PLG: variants seen among roughly 807,000 people sequenced by gnomAD.
The protein encoded by PLG is plasmin.
A neutral mutation model predicts 104.4 loss-of-function variants in PLG; 41 were observed. That is an observed-to-expected ratio of 0.39 (90% confidence interval 0.31 to 0.51). The LOEUF (loss-of-function observed/expected upper bound fraction) is 0.51. Ranked by LOEUF, PLG falls within the 20% of genes least tolerant of loss-of-function variation. The probability of loss-of-function intolerance (pLI) is 0.76; values close to 1 mark genes in which losing one functional copy is unlikely to be tolerated. For synonymous variants in PLG, 337 were observed against 357.1 expected (o/e 0.94, Z 0.63); for missense variants, 891 against 1,003.6 (o/e 0.89, Z 1.52).
At chr6:160,747,219 G>A (rs1052536094) in intron 17 of PLG, among the ~76,000 whole-genome samples, 1 of 152,226 alleles carries the variant, frequency 6.6e-6, no homozygotes, top group Non-Finnish European at 1.5e-5. Context: ...CATGGCCCCA[G>A]GTCTAGGATG....
At position 160,740,834 on chromosome 6, in the gene PLG, G is replaced by A. The variant is rs572181122; in HGVS notation, c.2019-477G>A. Among the ~76,000 whole-genome samples, 29 of 152,200 alleles carry A rather than the reference G, an allele frequency of 1.9e-4. No individual in the cohort carries two copies. The highest frequency in any genetic ancestry group is 1.1e-3 in the Admixed American group (17 of 15,286). The stretch of plus-strand genomic sequence containing the variant: ...TTTACTGGATTCTTACAACTATGGC[G>A]TAGTAACATTCACTGAGGAGGAAAT... On this transcript the variant is annotated intron_variant, in intron 16 of 18. Coordinates refer to ENST00000308192, the MANE Select transcript of PLG (RefSeq NM_000301.5). The surrounding 1 kb of genome is among the most constrained non-coding windows in gnomAD (Gnocchi z 5.2).
intron 10 of PLG, 67 bp from the exon 11 acceptor site, chr6:160,730,984 A>T: frequency 6.8e-7 from 1 of 1,479,406 alleles, no homozygotes; most frequent in South Asian, 1.1e-5. Flanking sequence ...AACAAAATGT[A>T]GAGGGTGCTG....
Position 160,741,367 on chromosome 6 carries a change from T to G in PLG, c.2075T>G (p.Val692Gly). ...IPACLPSPNY[V>G]VADRTECFIT... ...GCTTGTCTGCCATCCCCAAATTATG[T>G]GGTCGCTGACCGGACCGAATGTTTC... Residue 692 changes from valine to glycine, a missense_variant, in exon 17 of 19, where the codon GTG becomes GGG. This residue lies in a region of PLG where 854 missense variants were observed against 932.1 expected (regional missense o/e 0.92). Coordinates refer to ENST00000308192, the MANE Select transcript of PLG (RefSeq NM_000301.5). The surrounding 1 kb of genome is among the most constrained non-coding windows in gnomAD (Gnocchi z 4.7). 1.2e-6 allele frequency: 2 copies of G among 1,613,750 alleles called. No homozygotes were observed.
At chr6:160,729,357 A>G (rs1216910835) in intron 10 of PLG, among the ~76,000 whole-genome samples, 2 of 152,210 alleles carry the variant, frequency 1.3e-5, no homozygotes, top group African/African-American at 2.4e-5. Context: ...GTCTACCCCA[A>G]AAAACTGCAA....
rs764121149 is a variant in PLG, at chr6:160,702,321, T to C, written c.17T>C (p.Val6Ala). 69 of 1,609,750 alleles carry C rather than the reference T, an allele frequency of 4.3e-5. No homozygotes were observed. Among genetic ancestry groups the C allele is most frequent in the Non-Finnish European group, 4.8e-5 (57 of 1,179,568 alleles). MEHKE[V>A]VLLLLLFLKS... is the part of the protein sequence containing the mutation. ...AGTCCCAAAATGGAACATAAGGAAGTGGTTCTTCTACTTCTTTTATTTCTG... is the reference window on the plus strand; with the variant it reads ...AGTCCCAAAATGGAACATAAGGAAGCGGTTCTTCTACTTCTTTTATTTCTG... The change falls in exon 1 of 19, where the codon GTG becomes GCG. Residue 6 changes from valine to alanine, a missense_variant. Val to Ala is a moderately conservative substitution (Grantham distance 64). Around this residue, in one of 2 missense-constraint regions of PLG, gnomAD observed 854 missense variants for 932.1 expected, o/e 0.92. Coordinates refer to ENST00000308192, the MANE Select transcript of PLG (RefSeq NM_000301.5).
Position 160,738,350 on chromosome 6 carries a change from C to A in PLG, c.1803-188C>A. 1 of 611,966 alleles carries A rather than the reference C, an allele frequency of 1.6e-6. No homozygotes were observed. Among genetic ancestry groups the A allele is most frequent in the South Asian group, 1.8e-5 (1 of 57,142 alleles). 37.9% of individuals were successfully genotyped at this position (611,966 alleles called of 1,614,324 possible). A position where few individuals can be genotyped will look rare whatever the true frequency, so the allele number is the denominator to read the frequency against. On this transcript the variant is annotated intron_variant, in intron 14 of 18. Transcript: ENST00000308192. This position sits in a 1 kb window ranked among gnomAD's most constrained non-coding sequence, Gnocchi z 6.8. ...TCGGAAAAATTGGCATAGATGGGCCCTTCTCAAAAATCCCACTCCTGGAGC... is the reference window on the plus strand; with the variant it reads ...TCGGAAAAATTGGCATAGATGGGCCATTCTCAAAAATCCCACTCCTGGAGC...
chr6:160,705,058 G>A (rs1016591977), intron 1 of PLG, among the ~76,000 whole-genome samples: 31 of 152,284 alleles, frequency 2.0e-4, no homozygotes, highest in African/African-American at 5.5e-4. Context: ...TAGTCACTCT[G>A]TAACCCACCC....
intron 4 of PLG, chr6:160,711,637 A>G: frequency 6.2e-7 from 1 of 1,610,622 alleles, no homozygotes; most frequent in Non-Finnish European, 8.5e-7. Context: ...CCATAGTAGA[A>G]CATGGTTGCT....
Position 160,731,662 on chromosome 6 carries a change from A to G in PLG, c.1439-83A>G. ...GTGGCCCCTGATTCTGTCATCCTAG[A>G]GAAACCTGACATGACTGTATTGATT... On this transcript the variant is annotated intron_variant, in intron 11 of 18. Coordinates refer to ENST00000308192, the MANE Select transcript of PLG (RefSeq NM_000301.5). This position sits in a 1 kb window ranked among gnomAD's most constrained non-coding sequence, Gnocchi z 5.1. 1 of 1,365,840 alleles carries G rather than the reference A, an allele frequency of 7.3e-7. No individual in the cohort carries two copies. Among genetic ancestry groups the G allele is most frequent in the Non-Finnish European group, 1.0e-6 (1 of 954,696 alleles). 84.6% of individuals were successfully genotyped at this position (1,365,840 alleles called of 1,614,324 possible). A position where few individuals can be genotyped will look rare whatever the true frequency, so the allele number is the denominator to read the frequency against.
chr6:160,716,257 T>C (rs1777727941), intron 6 of PLG, among the ~76,000 whole-genome samples: 1 of 152,322 alleles, frequency 6.6e-6, no homozygotes, highest in South Asian at 2.1e-4. Flanking sequence ...AATGATAAGG[T>C]CACTGATTCT....
In PLG at chr6:160,725,098, C is replaced by A. The variant is rs906808591; in HGVS notation, c.1256+2531C>A. On this transcript the variant is annotated intron_variant, in intron 10 of 18. Coordinates refer to ENST00000308192, the MANE Select transcript of PLG (RefSeq NM_000301.5). The surrounding 1 kb of genome is among the most constrained non-coding windows in gnomAD (Gnocchi z 6.3). The stretch of plus-strand genomic sequence containing the variant: ...GGCATGGTGGCACGTGCCTGTAATC[C>A]CAGCAACTCAGGAGGCTGAGGCAGG... Among the ~76,000 whole-genome samples the A allele has an allele frequency of 3.3e-5, 5 of 152,004 alleles. No homozygotes were observed. The highest frequency in any genetic ancestry group is 1.2e-4 in the African/African-American group (5 of 41,378).
rs903932888 is a variant in PLG, at chr6:160,725,256, T to C, written c.1256+2689T>C. On this transcript the variant is annotated intron_variant, in intron 10 of 18. Coordinates refer to ENST00000308192, the MANE Select transcript of PLG (RefSeq NM_000301.5). The surrounding 1 kb of genome is among the most constrained non-coding windows in gnomAD (Gnocchi z 6.3). ...AACAAAAAGATAATAATTTACTACTTGAAGCAAAATGATAGCAATGTATTG... is the reference window on the plus strand; with the variant it reads ...AACAAAAAGATAATAATTTACTACTCGAAGCAAAATGATAGCAATGTATTG... 1.3e-5 allele frequency among the ~76,000 whole-genome samples: 2 copies of C among 151,936 alleles called. No homozygotes were observed. The highest frequency in any genetic ancestry group is 4.8e-5 in the African/African-American group (2 of 41,396).
At position 160,723,090 on chromosome 6, in the gene PLG, A is replaced by AGTGTGTATATATATGTACACATATAT. The variant is rs1186219955; in HGVS notation, c.1256+560_1256+585dup. On this transcript the variant is annotated intron_variant, in intron 10 of 18. Coordinates refer to ENST00000308192, the MANE Select transcript of PLG (RefSeq NM_000301.5). The surrounding 1 kb of genome is among the most constrained non-coding windows in gnomAD (Gnocchi z 4.7). ...ATGAGATATACAAGTATACATATAT[A>AGTGTGTATATATATGTACACATATAT]GTGTGTATATATATGTACACATATA... Among the ~76,000 whole-genome samples the AGTGTGTATATATATGTACACATATAT allele has an allele frequency of 0.014, 2,041 of 146,068 alleles. 89 individuals carry two copies. Among genetic ancestry groups the AGTGTGTATATATATGTACACATATAT allele is most frequent in the African/African-American group, 0.053 (1,914 of 36,452 alleles).
chr6:160,720,412 T>TC (rs1400394800), intron 9 of PLG, among the ~76,000 whole-genome samples: 1 of 36,624 alleles, frequency 2.7e-5, no homozygotes, highest in East Asian at 1.2e-3. Flanking sequence ...TTTCTTTTCT[T>TC]TTTTTTTTTT....
Position 160,722,571 on chromosome 6 carries a change from T to G in PLG, c.1256+4T>G. Reference sequence around the variant, plus strand: ...CCCCAGAAAACTACCCAAATGCGTATGTCTTTGATTTTTACTGTAAGAGGG... The same window carrying G: ...CCCCAGAAAACTACCCAAATGCGTAGGTCTTTGATTTTTACTGTAAGAGGG... On this transcript the variant is annotated splice_donor_region_variant and intron_variant, in intron 10 of 18. Transcript: ENST00000308192. 1 of 1,613,022 alleles carries G rather than the reference T, an allele frequency of 6.2e-7. No homozygotes were observed. The highest frequency in any genetic ancestry group is 8.5e-7 in the Non-Finnish European group (1 of 1,179,070).
In PLG at chr6:160,753,761, CA is replaced by C. The variant is rs1233908703; in HGVS notation, c.*703del. ...CAAGAGCATGTAAATGAACAACAAGCAAATATTGAAGGTGGACCACTTATTT... is the reference window on the plus strand; with the variant it reads ...CAAGAGCATGTAAATGAACAACAAGCAATATTGAAGGTGGACCACTTATTT... On this transcript the variant is annotated 3_prime_UTR_variant, in exon 19 of 19. Transcript: ENST00000308192. This position sits in a 1 kb window ranked among gnomAD's most constrained non-coding sequence, Gnocchi z 5.4. 6.6e-6 allele frequency among the ~76,000 whole-genome samples: 1 copy of C among 152,114 alleles called. No homozygotes were observed. The highest frequency in any genetic ancestry group is 2.4e-5 in the African/African-American group (1 of 41,418).
chr6:160,709,265 G>C (rs1372359236), intron 3 of PLG, among the ~76,000 whole-genome samples: 3 of 152,104 alleles, frequency 2.0e-5, no homozygotes, highest in Non-Finnish European at 2.9e-5. Context: ...TACCTGCCAG[G>C]GTTTTGCCAG....
rs1262825438 is a variant in PLG, at chr6:160,726,017, C to G, written c.1256+3450C>G. Among the ~76,000 whole-genome samples the G allele has an allele frequency of 1.3e-5, 2 of 152,078 alleles. No individual in the cohort carries two copies. The highest frequency in any genetic ancestry group is 2.9e-5 in the Non-Finnish European group (2 of 67,986). On this transcript the variant is annotated intron_variant, in intron 10 of 18. Coordinates refer to ENST00000308192, the MANE Select transcript of PLG (RefSeq NM_000301.5). This position sits in a 1 kb window ranked among gnomAD's most constrained non-coding sequence, Gnocchi z 4.4. ...TAGAGTGGGAGATATCCTAATGTCTCTCTCCGTATGGTTATACATCTTCCC... is the reference window on the plus strand; with the variant it reads ...TAGAGTGGGAGATATCCTAATGTCTGTCTCCGTATGGTTATACATCTTCCC...
chr6:160,703,885 A>C (rs1777470303), intron 1 of PLG, among the ~76,000 whole-genome samples: 1 of 152,232 alleles, frequency 6.6e-6, no homozygotes, highest in African/African-American at 2.4e-5. Context: ...TTGGAAAGCC[A>C]GGTTTTCTGT....
Sources: gnomAD v4.1 joint callset for allele counts (sites outside exome capture counted in the v4.1 genomes callset) on GRCh38, gnomAD v4.1.1 for gene constraint, gnomAD v4.1.1 regional missense constraint, Gnocchi (gnomAD v3.1) non-coding constraint, MANE v1.5 for transcripts, NCBI Gene and HGNC (gene_info 2026-07-23, HGNC 2026-07-21) for gene names.